Variants in BCAS3 observed in about 807,000 individuals in gnomAD.
BCAS3 encodes BCAS3 microtubule associated cell migration factor, also known as BCAS4/BCAS3 fusion.
A neutral mutation model predicts 116.1 loss-of-function variants in BCAS3; 53 were observed. The ratio of observed to expected loss-of-function variants is 0.46; its 90% confidence interval spans 0.37 to 0.57. The LOEUF is 0.57. Among genes scored for constraint, BCAS3 ranks in the 20% least tolerant of loss-of-function variants. BCAS3 has a pLI of 0.00. For missense variants in BCAS3, 917 were observed against 1,165.4 expected, an observed-to-expected ratio of 0.79 and a Z score of 3.10; for synonymous variants, 391 against 408.2, an observed-to-expected ratio of 0.96 and a Z score of 0.51.
chr17:61,009,081 T>TA (rs1475971150), intron 15 of BCAS3, among the ~76,000 whole-genome samples: 1 of 152,026 alleles, frequency 6.6e-6, no homozygotes, highest in Non-Finnish European at 1.5e-5. Context: ...AGTACTGAGT[T>TA]ATAGGAAGGT....
intron 22 of BCAS3, among the ~76,000 whole-genome samples, chr17:61,216,228 G>C (rs1036908280): frequency 6.6e-6 from 1 of 152,156 alleles, no homozygotes; most frequent in Admixed American, 6.5e-5. Flanking sequence ...GGGATGTCCA[G>C]AAGTTCAGGA....
chr17:60,845,085 A>T (rs1599107235), intron 7 of BCAS3, among the ~76,000 whole-genome samples: 1 of 152,074 alleles, frequency 6.6e-6, no homozygotes, highest in African/African-American at 2.4e-5. Context: ...CAAAAATTAG[A>T]TGGGCCCGGT....
intron 6 of BCAS3, among the ~76,000 whole-genome samples, chr17:60,770,990 A>G (rs1467661100): frequency 2.0e-5 from 3 of 151,332 alleles, no homozygotes; most frequent in Admixed American, 1.3e-4. Flanking sequence ...TAATTTTTGT[A>G]TCTTTAGTAG....
chr17:61,367,108 C>T lies in BCAS3; in HGVS notation c.2426-1219C>T, dbSNP rs373296535. On this transcript the variant is annotated intron_variant, in intron 22 of 23. Coordinates refer to ENST00000407086, the MANE Select transcript of BCAS3 (RefSeq NM_017679.5). The surrounding 1 kb of genome is among the most constrained non-coding windows in gnomAD (Gnocchi z 6.2). The stretch of plus-strand genomic sequence containing the variant: ...ACACTGCCCAGCCCTCACTGCCTGG[C>T]GAAGATAGTTTCTGACGGCTGATCA... Among the ~76,000 whole-genome samples, 4 of 152,138 alleles carry T rather than the reference C, an allele frequency of 2.6e-5. No individual in the cohort carries two copies. The highest frequency in any genetic ancestry group is 2.1e-4 in the South Asian group (1 of 4,826).
rs1213959970 is a variant in BCAS3, at chr17:61,339,044, T to A, written c.2426-29283T>A. On this transcript the variant is annotated intron_variant, in intron 22 of 23. Coordinates refer to ENST00000407086, the MANE Select transcript of BCAS3 (RefSeq NM_017679.5). The surrounding 1 kb of genome is among the most constrained non-coding windows in gnomAD (Gnocchi z 4.4). ...ATCTTGGTTTTGGGAAAAAAAAAAA[T>A]TCACAAAGACCCATCTGCCTCTCCC... Among the ~76,000 whole-genome samples the A allele has an allele frequency of 6.6e-6, 1 of 151,066 alleles. No individual in the cohort carries two copies. The highest frequency in any genetic ancestry group is 1.5e-5 in the Non-Finnish European group (1 of 67,952).
Position 61,171,084 on chromosome 17 carries a change from C to G in BCAS3, c.2425+86520C>G, listed in dbSNP as rs2078815544. ...GTGGGGCAAAATTTCCTCTAAATTC[C>G]TGTAGCCTTCCTTGCTTAAAAAAAA... On this transcript the variant is annotated intron_variant, in intron 22 of 23. Transcript: ENST00000407086. This position sits in a 1 kb window ranked among gnomAD's most constrained non-coding sequence, Gnocchi z 4.1. Among the ~76,000 whole-genome samples, 1 of 152,062 alleles carries G rather than the reference C, an allele frequency of 6.6e-6. No homozygotes were observed. The highest frequency in any genetic ancestry group is 2.4e-5 in the African/African-American group (1 of 41,386).
chr17:61,076,260 T>C (rs576320013), intron 20 of BCAS3, among the ~76,000 whole-genome samples: 1 of 152,340 alleles, frequency 6.6e-6, no homozygotes, highest in South Asian at 2.1e-4. Context: ...TCTGACAGCT[T>C]TTCATCGGAC....
chr17:60,794,818 G>A (rs551125064), intron 6 of BCAS3, among the ~76,000 whole-genome samples: 32 of 152,244 alleles, frequency 2.1e-4, no homozygotes, highest in African/African-American at 7.5e-4. Flanking sequence ...TTAGAATATG[G>A]TTTGAAATTA....
chr17:61,215,428 A>G lies in BCAS3; in HGVS notation c.2425+130864A>G, dbSNP rs534737845. On this transcript the variant is annotated intron_variant, in intron 22 of 23. Coordinates refer to ENST00000407086, the MANE Select transcript of BCAS3 (RefSeq NM_017679.5). The surrounding 1 kb of genome is among the most constrained non-coding windows in gnomAD (Gnocchi z 4.8). ...TTTTGTGAAGCATCTACACTAGATGATTCCTGTCCTCCCTCTAGATTTGTA... is the reference window on the plus strand; with the variant it reads ...TTTTGTGAAGCATCTACACTAGATGGTTCCTGTCCTCCCTCTAGATTTGTA... 6.6e-6 allele frequency among the ~76,000 whole-genome samples: 1 copy of G among 152,178 alleles called. No individual in the cohort carries two copies. Among genetic ancestry groups the G allele is most frequent in the African/African-American group, 2.4e-5 (1 of 41,436 alleles).
rs2053316551 is a variant in BCAS3 at position 61,300,204 on chromosome 17, T to G, written c.2426-68123T>G. On this transcript the variant is annotated intron_variant, in intron 22 of 23. Transcript: ENST00000407086. The surrounding 1 kb of genome is among the most constrained non-coding windows in gnomAD (Gnocchi z 5.1). ...GACAAAACAGCCAGCCAGTCTTCTA[T>G]GAGAAAGATGTCACTTGCCACATAC... 1.3e-5 allele frequency among the ~76,000 whole-genome samples: 2 copies of G among 152,198 alleles called. No individual in the cohort carries two copies. The highest frequency in any genetic ancestry group is 2.4e-5 in the African/African-American group (1 of 41,446).
chr17:60,910,404 A>G (rs2058429687), intron 11 of BCAS3, 128 bp from the exon 12 acceptor site: 1 of 675,516 alleles, frequency 1.5e-6, no homozygotes, highest in South Asian at 3.3e-5. Context: ...TGTCTGTGAC[A>G]GTTTACTGCT....
At chr17:61,049,133 A>G (rs1314610757) in intron 19 of BCAS3, among the ~76,000 whole-genome samples, 1 of 151,780 alleles carries the variant, frequency 6.6e-6, no homozygotes, top group Middle Eastern at 3.2e-3. Flanking sequence ...CCCTGACTCT[A>G]AAGAAAACAT....
At chr17:61,071,185 A>G (rs1355963265) in intron 19 of BCAS3, among the ~76,000 whole-genome samples, 4 of 152,168 alleles carry the variant, frequency 2.6e-5, no homozygotes, top group African/African-American at 9.6e-5. Context: ...AAATGATAGT[A>G]CCTTTCTATT....
intron 9 of BCAS3, among the ~76,000 whole-genome samples, chr17:60,888,833 T>C (rs988793798): frequency 6.8e-5 from 10 of 146,994 alleles, no homozygotes; most frequent in African/African-American, 1.5e-4. Context: ...TCTATAAGTT[T>C]ATTATTTTCT....
chr17:60,965,936 G>A (rs897399344), intron 14 of BCAS3, among the ~76,000 whole-genome samples: 1 of 152,218 alleles, frequency 6.6e-6, no homozygotes, highest in African/African-American at 2.4e-5. Context: ...CTGGAGTGGG[G>A]TCTCCTTCTT....
In BCAS3 at chr17:61,186,122, T is replaced by C. The variant is rs1035267784; in HGVS notation, c.2425+101558T>C. On this transcript the variant is annotated intron_variant, in intron 22 of 23. Coordinates refer to ENST00000407086, the MANE Select transcript of BCAS3 (RefSeq NM_017679.5). This position sits in a 1 kb window ranked among gnomAD's most constrained non-coding sequence, Gnocchi z 4.9. The stretch of plus-strand genomic sequence containing the variant: ...GCTTTGAAAAATGTAGTCCATCTTC[T>C]CTTTCTAGTGCCTTGAATTGCTATT... Among the ~76,000 whole-genome samples, 5 of 152,224 alleles carry C rather than the reference T, an allele frequency of 3.3e-5. No homozygotes were observed. The highest frequency in any genetic ancestry group is 7.4e-5 in the Non-Finnish European group (5 of 68,026).
chr17:60,757,890 T>C (rs1435557506), intron 6 of BCAS3, among the ~76,000 whole-genome samples: 1 of 152,174 alleles, frequency 6.6e-6, no homozygotes, highest in Non-Finnish European at 1.5e-5. Flanking sequence ...TCTTACTGTT[T>C]TAGGTCTTAA....
At chr17:61,170,974 G>T (rs1484931754) in intron 22 of BCAS3, among the ~76,000 whole-genome samples, 1 of 152,176 alleles carries the variant, frequency 6.6e-6, no homozygotes, top group Non-Finnish European at 1.5e-5. Context: ...CTTATGCAGG[G>T]CTGGGAGTGA....
chr17:60,880,949 T>C (rs914447738), intron 9 of BCAS3, among the ~76,000 whole-genome samples: 33 of 138,108 alleles, frequency 2.4e-4, no homozygotes, highest in African/African-American at 1.1e-3. Flanking sequence ...TTTCACTTTC[T>C]TCTTTTTTTT....
Sources: allele counts gnomAD v4.1 joint callset (sites outside exome capture counted in the v4.1 genomes callset), GRCh38; gene constraint gnomAD v4.1.1; non-coding constraint Gnocchi (gnomAD v3.1); transcripts MANE v1.5; gene names NCBI Gene and HGNC (gene_info 2026-07-23, HGNC 2026-07-21).